Variants in FRMD1 observed in about 807,000 individuals in gnomAD.
FRMD1 encodes the protein FERM domain containing 1.
A neutral mutation model predicts 54.9 loss-of-function variants in FRMD1; 51 were observed. The observed-to-expected ratio is 0.93, with a 90% CI of 0.74 to 1.17. The LOEUF (loss-of-function observed/expected upper bound fraction) is 1.17, where lower values mean the gene tolerates loss of function less well. Ranked by LOEUF, FRMD1 falls within the 50% of genes most tolerant of loss-of-function variation. FRMD1 has a pLI of 0.00. For missense variants in FRMD1, 729 were observed against 743.0 expected, an observed-to-expected ratio of 0.98 and a Z score of 0.22; for synonymous variants, 324 against 306.4, an observed-to-expected ratio of 1.06 and a Z score of -0.60.
chr6:168,088,865 C>A (rs965250394), intron 1 of FRMD1, among the ~76,000 whole-genome samples: 1 of 151,894 alleles, frequency 6.6e-6, no homozygotes, highest in African/African-American at 2.4e-5. Flanking sequence ...CACCGGCCTG[C>A]CTGTCAACCT....
At chr6:168,063,500 A>G (rs919941220) in intron 6 of FRMD1, 101 bp downstream of exon 6, 1 of 1,332,234 alleles carries the variant, frequency 7.5e-7, no homozygotes, top group Non-Finnish European at 9.9e-7. Context: ...GGCTCCATCC[A>G]TCCCTGCCCT....
At position 168,058,137 on chromosome 6, in the gene FRMD1, G is replaced by A. The variant is rs368740120; in HGVS notation, c.1408-798C>T. On this transcript the variant is annotated intron_variant, in intron 10 of 10. Coordinates refer to ENST00000283309, the MANE Select transcript of FRMD1 (RefSeq NM_024919.6). ...CTTGCAGCCTCCCCTCCCTCCTCCC[G>A]TGCCCAGCCCTGTTCTCTCTCCATC... is the stretch of plus-strand genomic sequence containing the variant. 4.6e-5 allele frequency among the ~76,000 whole-genome samples: 7 copies of A among 151,940 alleles called. No homozygotes were observed. In the East Asian group the frequency reaches 9.7e-4, roughly 21 times the overall value.
At chr6:168,074,248 C>T (rs142513954) in intron 2 of FRMD1, among the ~76,000 whole-genome samples, 5 of 152,266 alleles carry the variant, frequency 3.3e-5, no homozygotes, top group South Asian at 2.1e-4. Flanking sequence ...CTGCCGTCTG[C>T]GTGTACTAGA....
At chr6:168,084,055 G>C (rs1800879595), upstream of FRMD1, among the ~76,000 whole-genome samples, 1 of 152,216 alleles carries the variant, frequency 6.6e-6, no homozygotes, top group Admixed American at 6.5e-5. Context: ...ATAGCCTGCA[G>C]CTTCTAGCAA....
chr6:168,081,427 G>T (rs913881285), upstream of FRMD1: 1 of 1,535,492 alleles, frequency 6.5e-7, no homozygotes, highest in African/African-American at 1.4e-5. Flanking sequence ...GCCGGGCAGT[G>T]GACGGGCAGA....
intron 1 of FRMD1, among the ~76,000 whole-genome samples, chr6:168,089,377 G>T (rs1189759991): frequency 6.6e-6 from 1 of 152,204 alleles, no homozygotes; most frequent in East Asian, 1.9e-4. Flanking sequence ...TAAGGCCCGT[G>T]GCCCTGGAGG....
At chr6:168,083,202 A>G (rs1800865317), upstream of FRMD1, among the ~76,000 whole-genome samples, 1 of 152,172 alleles carries the variant, frequency 6.6e-6, no homozygotes, top group Admixed American at 6.5e-5. Context: ...TGCAGGGCCC[A>G]AGCCCATCAC....
intron 3 of FRMD1, 148 bp from the exon 4 acceptor site, chr6:168,066,979 T>C (rs1800065600): frequency 9.7e-7 from 1 of 1,029,488 alleles, no homozygotes; most frequent in East Asian, 2.6e-5. Context: ...ACAATTCGAC[T>C]CATGGTATTT....
intron 7 of FRMD1, chr6:168,062,692 G>T (rs765922283): frequency 6.4e-7 from 1 of 1,550,862 alleles, no homozygotes; most frequent in East Asian, 2.4e-5. Flanking sequence ...GCTTCCCAAC[G>T]TGGGGCCAGG....
rs1322662273 is a variant in FRMD1, at chr6:168,063,708, G to A, written c.697C>T (p.Leu233=). Residue 233 remains leucine (L), a synonymous_variant, in exon 6 of 11, where the codon CTG becomes TTG. Transcript: ENST00000283309. The stretch of plus-strand genomic sequence containing the variant: ...CTCAGGCCCTGGCGCTCACGGTGCA[G>A]GGTAGGCATGTGCCGGAGGATGTAG... ...IDYILRHMPT[L]HRERQGLSPK... is the part of the protein sequence containing the mutation. The A allele has an allele frequency of 6.2e-7, 1 of 1,613,808 alleles. No individual in the cohort carries two copies. Among genetic ancestry groups the A allele is most frequent in the Admixed American group, 1.7e-5 (1 of 60,004 alleles).
intron 1 of FRMD1, among the ~76,000 whole-genome samples, chr6:168,089,458 G>T (rs924757997): frequency 6.6e-6 from 1 of 152,248 alleles, no homozygotes; most frequent in Non-Finnish European, 1.5e-5. Context: ...CTGGGGTCTG[G>T]TCGGCTGTCC....
At chr6:168,066,720 C>T (rs1800043857) in intron 4 of FRMD1, 35 bp downstream of exon 4, 2 of 1,581,500 alleles carry the variant, frequency 1.3e-6, no homozygotes, top group East Asian at 2.3e-5. Context: ...TTTCAGTATT[C>T]CAGGAAACAC....
At chr6:168,070,924 C>T (rs954170498) in intron 2 of FRMD1, among the ~76,000 whole-genome samples, 9 of 152,232 alleles carry the variant, frequency 5.9e-5, no homozygotes, top group African/African-American at 2.2e-4. Context: ...CATGCACCCT[C>T]TAGAGCCTCC....
chr6:168,090,228 C>G (rs1013364191), intron 1 of FRMD1, among the ~76,000 whole-genome samples: 2 of 152,186 alleles, frequency 1.3e-5, no homozygotes, highest in Non-Finnish European at 2.9e-5. Flanking sequence ...CTCTGCCCCC[C>G]ACGCTCTCAG....
intron 2 of FRMD1, among the ~76,000 whole-genome samples, chr6:168,069,031 G>A (rs1214594841): frequency 1.3e-5 from 2 of 152,198 alleles, no homozygotes; most frequent in Non-Finnish European, 2.9e-5. Flanking sequence ...CAAACACTTG[G>A]CTCATCGGTA....
rs35227364 is a variant in FRMD1 at position 168,061,924 on chromosome 6, A to G, written c.928T>C (p.Tyr310His). 1.2e-3 allele frequency: 1,949 copies of G among 1,600,414 alleles called. 22 individuals carry two copies. In the African/African-American group the frequency reaches 0.023, roughly 19 times the overall value. The change falls in exon 8 of 11, where the codon TAC (tyrosine) becomes CAC (histidine). Residue 310 changes from tyrosine to histidine, a missense_variant. Coordinates refer to ENST00000283309, the MANE Select transcript of FRMD1 (RefSeq NM_024919.6). ...CTGGACCGCCAGGTGCACCCCGTGT[A>G]GTAAACCAGCTTCTGTGCTGCGGGC... Reference protein sequence around the residue: ...GLPAAQKLVYYTGCTWRSRHL... With the variant: ...GLPAAQKLVYHTGCTWRSRHL...
upstream of FRMD1, chr6:168,081,307 G>A: frequency 4.1e-6 from 6 of 1,469,916 alleles, no homozygotes; most frequent in Non-Finnish European, 5.4e-6. Context: ...ACCCTGAGAA[G>A]GCAGAGGCGT....
upstream of FRMD1, among the ~76,000 whole-genome samples, chr6:168,080,448 A>G (rs1341308568): frequency 2.7e-5 from 1 of 36,586 alleles, no homozygotes; most frequent in African/African-American, 1.0e-4. Flanking sequence ...AAAAATGGCA[A>G]AAAAACCACA....
intron 2 of FRMD1, among the ~76,000 whole-genome samples, chr6:168,068,827 G>A (rs187979006): frequency 1.3e-5 from 2 of 152,332 alleles, no homozygotes; most frequent in Non-Finnish European, 2.9e-5. Flanking sequence ...GCAGATAAAT[G>A]AAGACACCAG....
Sources: gnomAD v4.1 joint callset for allele counts (sites outside exome capture counted in the v4.1 genomes callset) on GRCh38, gnomAD v4.1.1 for gene constraint, MANE v1.5 for transcripts, NCBI Gene and HGNC (gene_info 2026-07-23, HGNC 2026-07-21) for gene names.